The following PPP4R2 variants were observed in gnomAD, a reference collection of about 807,000 sequenced individuals.
PPP4R2 encodes the protein protein phosphatase 4 regulatory subunit 2, also known as serine/threonine-protein phosphatase 4 regulatory subunit 2.
Under a neutral mutation model 47.2 loss-of-function variants are expected in PPP4R2, and 13 were observed. The observed-to-expected ratio is 0.28, with a 90% confidence interval of 0.18 to 0.44. The LOEUF is 0.44. Ranked by LOEUF, PPP4R2 falls within the 20% of genes least tolerant of loss-of-function variation. The pLI is 1.00. For synonymous variants in PPP4R2, 151 were observed against 163.3 expected (o/e 0.92, Z 0.57); for missense variants, 421 against 491.2 (o/e 0.86, Z 1.35).
chr3:73,040,499 ATTTTTT>A (rs11342756), intron 2 of PPP4R2, among the ~76,000 whole-genome samples: 1 of 117,586 alleles, frequency 8.5e-6, no homozygotes, highest in African/African-American at 3.4e-5. Context: ...ATGTGACCTA[ATTTTTT>A]TTTTTTTTTT....
At chr3:73,055,536 G>A (rs1702715186) in intron 3 of PPP4R2, among the ~76,000 whole-genome samples, 1 of 151,380 alleles carries the variant, frequency 6.6e-6, no homozygotes, top group Non-Finnish European at 1.5e-5. Flanking sequence ...ACTGGATGTT[G>A]TAGGCACTGT....
At position 73,062,124 on chromosome 3, in the gene PPP4R2, A is replaced by C. The variant is rs781163234; in HGVS notation, c.419+1064A>C. The C allele has an allele frequency of 6.5e-7, 1 of 1,549,156 alleles. No individual in the cohort carries two copies. Among genetic ancestry groups the C allele is most frequent in the East Asian group, 2.4e-5 (1 of 41,644 alleles). On this transcript the variant is annotated intron_variant, in intron 5 of 8. Coordinates refer to ENST00000356692, the MANE Select transcript of PPP4R2 (RefSeq NM_174907.4). ...ATTGTATGCTTATGTTAATTCTCACAGTCTTTTTGTTTGGGTCTGTGACAG... is the reference window on the plus strand; with the variant it reads ...ATTGTATGCTTATGTTAATTCTCACCGTCTTTTTGTTTGGGTCTGTGACAG...
chr3:73,057,133 C>T (rs1559567095), intron 3 of PPP4R2, among the ~76,000 whole-genome samples: 1 of 152,028 alleles, frequency 6.6e-6, no homozygotes. Context: ...GTGAGTTATA[C>T]CACTAATCTG....
intron 2 of PPP4R2, 53 bp downstream of exon 2, chr3:72,998,211 G>A: frequency 8.8e-7 from 1 of 1,139,548 alleles, no homozygotes; most frequent in Non-Finnish European, 1.3e-6. Flanking sequence ...ATTAAGAATT[G>A]CTCAGGAAAG....
At chr3:73,050,587 G>T (rs1413987357) in intron 3 of PPP4R2, among the ~76,000 whole-genome samples, 4 of 152,078 alleles carry the variant, frequency 2.6e-5, no homozygotes. Flanking sequence ...TACAAAAGCG[G>T]TGTATGTTCA....
chr3:73,022,445 T>A (rs1701979435), intron 2 of PPP4R2, among the ~76,000 whole-genome samples: 1 of 152,172 alleles, frequency 6.6e-6, no homozygotes, highest in African/African-American at 2.4e-5. Context: ...AGGTGAAAGT[T>A]ACAGTGTCAA....
In PPP4R2 at chr3:73,003,862, C is replaced by T. The variant is rs927712690; in HGVS notation, c.116+5704C>T. Among the ~76,000 whole-genome samples the T allele has an allele frequency of 2.0e-5, 3 of 151,966 alleles. No individual in the cohort carries two copies. In the East Asian group the frequency reaches 5.8e-4, roughly 30 times the overall value. On this transcript the variant is annotated intron_variant, in intron 2 of 8. Transcript: ENST00000356692. ...TACAGGTGCATGCCACCACGCCCGG[C>T]TACTTTTTTGTATTTTCAGTTGAGA...
At chr3:73,007,504 G>T (rs1289606825) in intron 2 of PPP4R2, among the ~76,000 whole-genome samples, 1 of 150,820 alleles carries the variant, frequency 6.6e-6, no homozygotes, top group Admixed American at 6.6e-5. Context: ...GTGAGACAGA[G>T]TCTCACTCTG....
At chr3:73,011,936 G>T (rs1701733288) in intron 2 of PPP4R2, among the ~76,000 whole-genome samples, 2 of 152,192 alleles carry the variant, frequency 1.3e-5, no homozygotes. Context: ...TATAGAATTT[G>T]AAATTTAAGG....
chr3:73,018,451 A>ATGTTAT (rs1361825798), intron 2 of PPP4R2, among the ~76,000 whole-genome samples: 2 of 99,588 alleles, frequency 2.0e-5, no homozygotes, highest in Non-Finnish European at 4.1e-5. Context: ...ATGTTATGTT[A>ATGTTAT]TTTATGTTAT....
At position 73,065,496 on chromosome 3, in the gene PPP4R2, A is replaced by T. The variant is rs752787696; in HGVS notation, c.1028A>T (p.Asn343Ile). 1.4e-5 allele frequency: 22 copies of T among 1,611,778 alleles called. No individual in the cohort carries two copies. Among genetic ancestry groups the T allele is most frequent in the African/African-American group, 2.7e-5 (2 of 74,860 alleles). Residue 343 changes from asparagine (N) to isoleucine (I), a missense_variant, in exon 9 of 9, where the codon AAT becomes ATT. Coordinates refer to ENST00000356692, the MANE Select transcript of PPP4R2 (RefSeq NM_174907.4). ...GTGAATGAAGAGACTTCTGAGGAAA[A>T]TAATCAAATGGAGGAATCTGATGTG... ...LTVNEETSEE[N>I]NQMEESDVSQ...
intron 3 of PPP4R2, among the ~76,000 whole-genome samples, chr3:73,048,201 G>GTGT (rs1377528482): frequency 6.6e-6 from 1 of 151,804 alleles, no homozygotes; most frequent in Admixed American, 6.6e-5. Context: ...AAATGTTACT[G>GTGT]TGTCTCATAC....
At chr3:72,999,373 T>G (rs1701414258) in intron 2 of PPP4R2, among the ~76,000 whole-genome samples, 1 of 152,238 alleles carries the variant, frequency 6.6e-6, no homozygotes, top group African/African-American at 2.4e-5. Context: ...CATGCCATCT[T>G]TCAAAAATAA....
chr3:72,999,764 C>A (rs571905763), intron 2 of PPP4R2, among the ~76,000 whole-genome samples: 2 of 152,298 alleles, frequency 1.3e-5, no homozygotes, highest in African/African-American at 4.8e-5. Flanking sequence ...TCCTCCACCC[C>A]ATATTCGGTG....
intron 2 of PPP4R2, among the ~76,000 whole-genome samples, chr3:73,009,836 T>C (rs1207949402): frequency 6.6e-6 from 1 of 152,218 alleles, no homozygotes; most frequent in Non-Finnish European, 1.5e-5. Context: ...TGTTGAGAAA[T>C]GTATTTTAGA....
At chr3:72,999,375 C>G (rs1264791573) in intron 2 of PPP4R2, among the ~76,000 whole-genome samples, 1 of 152,182 alleles carries the variant, frequency 6.6e-6, no homozygotes, top group African/African-American at 2.4e-5. Flanking sequence ...TGCCATCTTT[C>G]AAAAATAAAT....
intron 2 of PPP4R2, among the ~76,000 whole-genome samples, chr3:73,030,627 T>TTA (rs71126827): frequency 1.8e-4 from 27 of 149,288 alleles, no homozygotes; most frequent in African/African-American, 6.5e-4. Context: ...TTTTTTTTTT[T>TTA]AATTACAGTG....
chr3:73,055,935 G>A (rs867647960), intron 3 of PPP4R2, among the ~76,000 whole-genome samples: 2 of 152,008 alleles, frequency 1.3e-5, no homozygotes, highest in Non-Finnish European at 1.5e-5. Context: ...GTATAACTTT[G>A]CTAATGAACA....
chr3:73,036,774 A>G (rs190201880), intron 2 of PPP4R2, among the ~76,000 whole-genome samples: 10 of 152,352 alleles, frequency 6.6e-5, no homozygotes, highest in East Asian at 5.8e-4. Context: ...AAAGTAGCAC[A>G]TAACTCTGGG....
Sources: allele counts gnomAD v4.1 joint callset (sites outside exome capture counted in the v4.1 genomes callset), GRCh38; gene constraint gnomAD v4.1.1; transcripts MANE v1.5; gene names NCBI Gene and HGNC (gene_info 2026-07-23, HGNC 2026-07-21).